The following CAST variants were observed in gnomAD, a reference collection of about 807,000 sequenced individuals.
The protein encoded by CAST is calpastatin, also known as MIR583 host.
In CAST, 76 loss-of-function variants were observed where a neutral mutation model predicts 119.6. That is an observed-to-expected ratio of 0.64 (90% CI 0.53 to 0.77). The LOEUF is 0.77. Among genes scored for constraint, CAST ranks in the 30% least tolerant of loss-of-function variants. CAST has a pLI of 0.00. For missense variants in CAST, 953 were observed against 946.5 expected, an observed-to-expected ratio of 1.01 and a Z score of -0.09; for synonymous variants, 319 against 331.6, an observed-to-expected ratio of 0.96 and a Z score of 0.41.
chr5:96,565,924 C>T (rs532729523), intron 1 of CAST, among the ~76,000 whole-genome samples: 1 of 152,270 alleles, frequency 6.6e-6, no homozygotes, highest in African/African-American at 2.4e-5. Flanking sequence ...ATTATCGTGA[C>T]CCAGATATAA....
the CAST span, among the ~76,000 whole-genome samples, chr5:96,302,427 A>C: frequency 2.6e-5 from 4 of 152,186 alleles, no homozygotes; most frequent in African/African-American, 9.6e-5. Context: ...TTTCTGCAGC[A>C]TTCCTGAATT....
the CAST span, among the ~76,000 whole-genome samples, chr5:96,438,807 G>A: frequency 6.6e-6 from 1 of 152,124 alleles, no homozygotes; most frequent in Non-Finnish European, 1.5e-5. Context: ...ACAAACTCAT[G>A]ATGCAGAGAG....
At chr5:96,221,293 A>G in the CAST span, among the ~76,000 whole-genome samples, 1 of 152,132 alleles carries the variant, frequency 6.6e-6, no homozygotes, top group East Asian at 1.9e-4. Context: ...AAAAAAATAA[A>G]GGGCATTCGA....
chr5:96,362,296 G>A, the CAST span, among the ~76,000 whole-genome samples: 1 of 152,182 alleles, frequency 6.6e-6, no homozygotes, highest in African/African-American at 2.4e-5. Flanking sequence ...ATAAACATAT[G>A]TGTGCATGTG....
chr5:96,120,824 CT>C, the CAST span, among the ~76,000 whole-genome samples: 2 of 151,214 alleles, frequency 1.3e-5, no homozygotes, highest in Non-Finnish European at 2.9e-5. Context: ...CTTGCTGGTC[CT>C]CCTGGCCAGG....
chr5:96,625,740 T>A (rs1306145793), intron 1 of CAST, among the ~76,000 whole-genome samples: 1 of 152,256 alleles, frequency 6.6e-6, no homozygotes, highest in South Asian at 2.1e-4. Flanking sequence ...GAAGGACAGA[T>A]GGCTGACAGC....
At chr5:96,096,232 A>C in the CAST span, among the ~76,000 whole-genome samples, 1 of 152,192 alleles carries the variant, frequency 6.6e-6, no homozygotes, top group African/African-American at 2.4e-5. Flanking sequence ...GAAACTTTGG[A>C]TCTTTAGAAT....
At chr5:96,672,381 C>CAA (rs1750183089) in intron 1 of CAST, among the ~76,000 whole-genome samples, 1 of 151,950 alleles carries the variant, frequency 6.6e-6, no homozygotes, top group Non-Finnish European at 1.5e-5. Flanking sequence ...CTTTTCTGTC[C>CAA]GTTGGAAATT....
At chr5:96,562,810 C>T (rs1022636112) in intron 1 of CAST, among the ~76,000 whole-genome samples, 4 of 152,102 alleles carry the variant, frequency 2.6e-5, no homozygotes, top group African/African-American at 9.7e-5. Flanking sequence ...ATAAAAGAAA[C>T]AAAATGAGGC....
the CAST span, among the ~76,000 whole-genome samples, chr5:96,154,240 T>G: frequency 6.6e-6 from 1 of 151,018 alleles, no homozygotes; most frequent in East Asian, 1.9e-4. Flanking sequence ...ATAGCGCCAC[T>G]GCACTCCAGC....
Position 96,773,689 on chromosome 5 carries a change from T to C in CAST, c.*1073T>C, listed in dbSNP as rs1178664394. Reference sequence around the variant, plus strand: ...GATGTCCTACCACTTTGAATGGTTTTCTAATATCTTAATGAATAGTTCCTG... The same window carrying C: ...GATGTCCTACCACTTTGAATGGTTTCCTAATATCTTAATGAATAGTTCCTG... On this transcript the variant is annotated 3_prime_UTR_variant, in exon 32 of 32. Transcript: ENST00000675179. 1 of 152,276 alleles carries C rather than the reference T, an allele frequency of 6.6e-6. No homozygotes were observed. The highest frequency in any genetic ancestry group is 1.5e-5 in the Non-Finnish European group (1 of 68,020). 9.4% of individuals were successfully genotyped at this position (152,276 alleles called of 1,614,324 possible).
chr5:96,173,553 TAAAC>T, the CAST span, among the ~76,000 whole-genome samples: 19 of 152,136 alleles, frequency 1.2e-4, no homozygotes, highest in African/African-American at 4.1e-4. Flanking sequence ...AAAATGTAAA[TAAAC>T]AGATAGATGT....
the CAST span, among the ~76,000 whole-genome samples, chr5:96,482,209 A>C: frequency 6.6e-6 from 1 of 152,290 alleles, no homozygotes; most frequent in East Asian, 1.9e-4. Flanking sequence ...ATGATCTTTC[A>C]AACACAATCC....
chr5:96,108,808 C>A, the CAST span, among the ~76,000 whole-genome samples: 1 of 152,232 alleles, frequency 6.6e-6, no homozygotes, highest in Non-Finnish European at 1.5e-5. Context: ...CAATGGCAGG[C>A]GCCCCTCCCC....
chr5:96,659,305 C>G (rs906181934), upstream of CAST, among the ~76,000 whole-genome samples: 1 of 152,184 alleles, frequency 6.6e-6, no homozygotes, highest in African/African-American at 2.4e-5. Flanking sequence ...CACAAGCCTT[C>G]ATTTTGTAAA....
At chr5:96,518,094 T>C in the CAST span, among the ~76,000 whole-genome samples, 2 of 152,226 alleles carry the variant, frequency 1.3e-5, no homozygotes, top group African/African-American at 4.8e-5. Flanking sequence ...TTCTTAAATA[T>C]CACACTCTGA....
In CAST at chr5:96,643,290, A is replaced by C. The variant is rs541136629; in HGVS notation, c.61-32249A>C. 6.6e-5 allele frequency among the ~76,000 whole-genome samples: 10 copies of C among 152,366 alleles called. 1 individual carries two copies. Among genetic ancestry groups the C allele is most frequent in the African/African-American group, 2.4e-4 (10 of 41,592 alleles). On this transcript the variant is annotated intron_variant, in intron 1 of 11. Transcript: ENST00000505143. Reference sequence around the variant, plus strand: ...AAAGTCTATCTGGAGAATACAAAATAATCCTTCAAGCCAGTCACAAAAGAT... The same window carrying C: ...AAAGTCTATCTGGAGAATACAAAATCATCCTTCAAGCCAGTCACAAAAGAT...
chr5:96,052,312 G>A, the CAST span, among the ~76,000 whole-genome samples: 4 of 152,112 alleles, frequency 2.6e-5, no homozygotes, highest in African/African-American at 9.7e-5. Context: ...TTCCTACAGG[G>A]TTTCTCTTCT....
chr5:96,001,734 A>C, the CAST span, among the ~76,000 whole-genome samples: 1 of 152,254 alleles, frequency 6.6e-6, no homozygotes, highest in Non-Finnish European at 1.5e-5. Context: ...TGAATCTCAT[A>C]TAAATTAACT....
Sources: gnomAD v4.1 joint callset for allele counts (sites outside exome capture counted in the v4.1 genomes callset) on GRCh38, gnomAD v4.1.1 for gene constraint, MANE v1.5 for transcripts, NCBI Gene and HGNC (gene_info 2026-07-23, HGNC 2026-07-21) for gene names.